Variants in ENTPD2 observed in about 807,000 individuals in gnomAD.
The protein encoded by ENTPD2 is CD39 antigen-like 1.
In ENTPD2, 48 loss-of-function variants were observed where a neutral mutation model predicts 46.8. The observed-to-expected ratio is 1.03, with a 90% CI of 0.81 to 1.30. The LOEUF (loss-of-function observed/expected upper bound fraction) is 1.30. Ranked by LOEUF, ENTPD2 falls within the 50% of genes most tolerant of loss-of-function variation. The probability of loss-of-function intolerance (pLI) is 0.00; values close to 1 mark genes in which losing one functional copy is unlikely to be tolerated. For synonymous variants in ENTPD2, 316 were observed against 286.1 expected (o/e 1.10, Z -1.06); for missense variants, 707 against 651.1 (o/e 1.09, Z -0.93).
chr9:137,048,973 G>T lies in ENTPD2; in HGVS notation c.1252C>A (p.Arg418Ser), dbSNP rs746165675. 3 of 1,532,778 alleles carry T rather than the reference G, an allele frequency of 2.0e-6. No homozygotes were observed. The South Asian group carries it at 3.6e-5, about 18-fold the overall frequency. 94.9% of individuals were successfully genotyped at this position (1,532,778 alleles called of 1,614,324 possible). Residue 418 changes from arginine to serine, a missense_variant, in exon 8 of 9, where the codon CGC (arginine) becomes AGC (serine). Coordinates refer to ENST00000355097, the MANE Select transcript of ENTPD2 (RefSeq NM_203468.3). ...LLSRGYGFDE[R>S]AFGGVIFQKK... ...TGGAAGATCACGCCGCCGAAGGCGC[G>T]CTCGTCGAAGCCGTAGCCGCGACTC...
chr9:137,052,455 C>G, intron 1 of ENTPD2, 107 bp from the exon 2 acceptor site: 1 of 820,806 alleles, frequency 1.2e-6, no homozygotes. Flanking sequence ...CCCCCCCCCA[C>G]CCAGTCATGT....
intron 4 of ENTPD2, 25 bp from the exon 5 acceptor site, chr9:137,051,154 A>C: frequency 6.2e-7 from 1 of 1,612,092 alleles, no homozygotes; most frequent in Non-Finnish European, 8.5e-7. Context: ...GTGTGGGGTC[A>C]ACCAGGGGCC....
Position 137,048,427 on chromosome 9 carries a change from G to A in ENTPD2, c.*230C>T. 2.0e-6 allele frequency: 1 copy of A among 506,352 alleles called. No individual in the cohort carries two copies. Among genetic ancestry groups the A allele is most frequent in the Admixed American group, 3.7e-5 (1 of 26,816 alleles). 31.4% of individuals were successfully genotyped at this position (506,352 alleles called of 1,614,324 possible). A position where few individuals can be genotyped will look rare whatever the true frequency, so the allele number is the denominator to read the frequency against. The stretch of plus-strand genomic sequence containing the variant: ...CCTGGGCTGCCTTAGGGGCAGAGAC[G>A]CTGAGGGTGGGGTGGAAGGATGGAG... On this transcript the variant is annotated 3_prime_UTR_variant, in exon 9 of 9. Transcript: ENST00000355097.
At chr9:137,050,598 C>A in intron 5 of ENTPD2, 60 bp from the exon 6 acceptor site, 2 of 1,574,982 alleles carry the variant, frequency 1.3e-6, no homozygotes, top group Non-Finnish European at 1.7e-6. Context: ...ACCAGCCTGA[C>A]AAACCTCCCA....
chr9:137,053,816 C>T, intron 1 of ENTPD2, 65 bp downstream of exon 1: 1 of 1,086,802 alleles, frequency 9.2e-7, no homozygotes. Context: ...CCAGCCGCAC[C>T]CCCTCCCCGG....
At chr9:137,050,579 C>A in intron 5 of ENTPD2, 41 bp from the exon 6 acceptor site, 1 of 1,597,918 alleles carries the variant, frequency 6.3e-7, no homozygotes, top group Non-Finnish European at 8.5e-7. Context: ...ACCACCACCG[C>A]TCCAGAGGAC....
chr9:137,052,398 A>G (rs752862041), intron 1 of ENTPD2, 50 bp from the exon 2 acceptor site: 7 of 1,369,580 alleles, frequency 5.1e-6, no homozygotes, highest in Non-Finnish European at 6.1e-6. Flanking sequence ...GGGCCCTGAC[A>G]CCCTGACACC....
In ENTPD2 at chr9:137,051,032, C is replaced by G. The variant is rs200191389; in HGVS notation, c.644G>C (p.Ser215Thr). Residue 215 changes from serine (S) to threonine (T), a missense_variant, in exon 5 of 9, where the codon AGT becomes ACT. Ser to Thr is a moderately conservative substitution (Grantham distance 58). Coordinates refer to ENST00000355097, the MANE Select transcript of ENTPD2 (RefSeq NM_203468.3). Reference sequence around the variant, plus strand: ...CTCGCTGGCTCTGTCCTCAGCTGGACTGGTTGTCTCAAAAGTGATCTGGGT... The same window carrying G: ...CTCGCTGGCTCTGTCCTCAGCTGGAGTGGTTGTCTCAAAAGTGATCTGGGT... Reference protein sequence around the residue: ...ASTQITFETTSPAEDRASEVQ... With the variant: ...ASTQITFETTTPAEDRASEVQ... The G allele has an allele frequency of 8.7e-6, 14 of 1,612,956 alleles. No individual in the cohort carries two copies. Among genetic ancestry groups the G allele is most frequent in the South Asian group, 4.4e-5 (4 of 91,084 alleles).
At position 137,050,441 on chromosome 9, in the gene ENTPD2, T is replaced by C. The variant is rs753979087; in HGVS notation, c.872A>G (p.Gln291Arg). ...GACCCTGGCACTGCTGTTGAAGTTCTGGGGCCGCTGGGCCATGGTGCATGG... is the reference window on the plus strand; with the variant it reads ...GACCCTGGCACTGCTGTTGAAGTTCCGGGGCCGCTGGGCCATGGTGCATGG... ...QSPCTMAQRP[Q>R]NFNSSARVSL... Residue 291 changes from glutamine (Q) to arginine (R), a missense_variant, in exon 6 of 9, where the codon CAG (glutamine) becomes CGG (arginine). Gln to Arg is a conservative substitution (Grantham distance 43). Transcript: ENST00000355097. 1.9e-6 allele frequency: 3 copies of C among 1,612,912 alleles called. No homozygotes were observed. The highest frequency in any genetic ancestry group is 2.2e-5 in the East Asian group (1 of 44,886).
chr9:137,053,613 G>C (rs538116090), intron 1 of ENTPD2, among the ~76,000 whole-genome samples: 5 of 152,220 alleles, frequency 3.3e-5, no homozygotes, highest in Admixed American at 6.5e-5. Context: ...CCTGGGCTGC[G>C]TTGACGGACT....
Position 137,049,020 on chromosome 9 carries a change from G to T in ENTPD2, c.1205C>A (p.Ala402Asp). Residue 402 changes from alanine (A) to aspartate (D), a missense_variant, in exon 8 of 9, where the codon GCC (alanine) becomes GAC (aspartate). Coordinates refer to ENST00000355097, the MANE Select transcript of ENTPD2 (RefSeq NM_203468.3). The part of the protein sequence containing the change: ...RARLADYCAG[A>D]MFVQQLLSRG... ...ACTCAGCAGCTGCTGCACGAACATG[G>T]CCCCGGCGCAGTAGTCGGCCAGGCG... The T allele has an allele frequency of 1.3e-6, 2 of 1,537,332 alleles. No homozygotes were observed. Among genetic ancestry groups the T allele is most frequent in the Non-Finnish European group, 1.7e-6 (2 of 1,145,590 alleles).
At chr9:137,051,172 C>T (rs1281102209) in intron 4 of ENTPD2, 39 bp downstream of exon 4, 2 of 1,611,632 alleles carry the variant, frequency 1.2e-6, no homozygotes, top group Non-Finnish European at 1.7e-6. Context: ...GCCGAGGGCG[C>T]CCACGCCCCC....
In ENTPD2 at chr9:137,054,041, T is replaced by C; in HGVS notation, c.-44A>G. 6 of 1,149,156 alleles carry C rather than the reference T, an allele frequency of 5.2e-6. No homozygotes were observed. The highest frequency in any genetic ancestry group is 3.7e-5 in the East Asian group (1 of 26,884). 71.2% of individuals were successfully genotyped at this position (1,149,156 alleles called of 1,614,324 possible). On this transcript the variant is annotated 5_prime_UTR_variant, in exon 1 of 9. Coordinates refer to ENST00000355097, the MANE Select transcript of ENTPD2 (RefSeq NM_203468.3). ...GAGGACGATGCGTGGACCCGGAGAGTGCGGGGAGCCGGAGGCGGAGGCGGG... is the reference window on the plus strand; with the variant it reads ...GAGGACGATGCGTGGACCCGGAGAGCGCGGGGAGCCGGAGGCGGAGGCGGG...
At position 137,048,750 on chromosome 9, in the gene ENTPD2, G is replaced by C. The variant is rs747269810; in HGVS notation, c.1395C>G (p.Val465=). ...LRKGTDFSSW[V]VLLLLFASAL... Reference sequence around the variant, plus strand: ...CGGAGGCGAAGAGCAGCAGGAGGACGACCCAGGAGCTGAAGTCTGTGCCCT... The same window carrying C: ...CGGAGGCGAAGAGCAGCAGGAGGACCACCCAGGAGCTGAAGTCTGTGCCCT... The change falls in exon 9 of 9, where the codon GTC becomes GTG. Residue 465 remains valine (V), a synonymous_variant. Coordinates refer to ENST00000355097, the MANE Select transcript of ENTPD2 (RefSeq NM_203468.3). The C allele has an allele frequency of 1.9e-6, 3 of 1,603,764 alleles. No individual in the cohort carries two copies. The highest frequency in any genetic ancestry group is 2.2e-5 in the East Asian group (1 of 44,750).
At chr9:137,049,829 G>C in intron 7 of ENTPD2, 41 bp downstream of exon 7, 1 of 1,578,544 alleles carries the variant, frequency 6.3e-7, no homozygotes, top group South Asian at 1.2e-5. Context: ...CGGAGGCTGA[G>C]CCCTTCCGCA....
chr9:137,049,829 G>A (rs139163179), intron 7 of ENTPD2, 41 bp downstream of exon 7: 26,334 of 1,578,424 alleles, frequency 0.017, 286 homozygotes, highest in South Asian at 0.023. Flanking sequence ...CGGAGGCTGA[G>A]CCCTTCCGCA....
In ENTPD2 at chr9:137,051,338, A is replaced by G; in HGVS notation, c.419T>C (p.Leu140Pro). The G allele has an allele frequency of 6.3e-7, 1 of 1,581,400 alleles. No individual in the cohort carries two copies. The highest frequency in any genetic ancestry group is 1.2e-5 in the South Asian group (1 of 86,888). The change falls in exon 4 of 9, where the codon CTC becomes CCC. Residue 140 changes from leucine to proline, a missense_variant. By Grantham distance (98) the Leu-to-Pro change is moderately conservative. Coordinates refer to ENST00000355097, the MANE Select transcript of ENTPD2 (RefSeq NM_203468.3). ...GGTCAGTGTGTGAGTCACTGCCATGAGCACACTGGTCGAGGCCTCTGGATT... is the reference window on the plus strand; with the variant it reads ...GGTCAGTGTGTGAGTCACTGCCATGGGCACACTGGTCGAGGCCTCTGGATT... ...LTNPEASTSV[L>P]MAVTHTLTQY...
rs938101304 is a variant in ENTPD2, at chr9:137,051,026, G to A, written c.650C>T (p.Ala217Val). ...TQITFETTSP[A>V]EDRASEVQLH... ...CTGGACCTCGCTGGCTCTGTCCTCA[G>A]CTGGACTGGTTGTCTCAAAAGTGAT... Residue 217 changes from alanine (A) to valine (V), a missense_variant, in exon 5 of 9, where the codon GCT becomes GTT. Transcript: ENST00000355097. The A allele has an allele frequency of 1.9e-6, 3 of 1,612,988 alleles. No homozygotes were observed.
Position 137,048,953 on chromosome 9 carries a change from G to A in ENTPD2, c.1272C>T (p.Ile424=). The change falls in exon 8 of 9, where the codon ATC becomes ATT. Residue 424 remains isoleucine (I), a synonymous_variant. Coordinates refer to ENST00000355097, the MANE Select transcript of ENTPD2 (RefSeq NM_203468.3). The part of the protein sequence containing the change: ...GFDERAFGGV[I]FQKKAADTAV... ...CGCCCCAGCCCACCTTCTTCTGGAA[G>A]ATCACGCCGCCGAAGGCGCGCTCGT... 2.6e-6 allele frequency: 4 copies of A among 1,519,304 alleles called. No individual in the cohort carries two copies. The highest frequency in any genetic ancestry group is 1.8e-4 in the Middle Eastern group (1 of 5,674). 94.1% of individuals were successfully genotyped at this position (1,519,304 alleles called of 1,614,324 possible). A position where few individuals can be genotyped will look rare whatever the true frequency, so the allele number is the denominator to read the frequency against.
Sources: gnomAD v4.1 joint callset for allele counts (sites outside exome capture counted in the v4.1 genomes callset) on GRCh38, gnomAD v4.1.1 for gene constraint, MANE v1.5 for transcripts, NCBI Gene and HGNC (gene_info 2026-07-23, HGNC 2026-07-21) for gene names.